Variants in EXOC4 observed in about 807,000 individuals in gnomAD.
EXOC4 encodes the protein SEC8-like 1.
EXOC4 carries 71 observed loss-of-function variants against 107.2 expected under a neutral mutation model. That is an observed-to-expected ratio of 0.66 (90% CI 0.55 to 0.81). EXOC4 has a LOEUF of 0.81. Among genes scored for constraint, EXOC4 ranks in the 30% least tolerant of loss-of-function variants. The pLI is 0.00. For synonymous variants in EXOC4, 456 were observed against 441.2 expected (o/e 1.03, Z -0.42); for missense variants, 1,108 against 1,189.6 (o/e 0.93, Z 1.01).
chr7:133,544,157 C>T (rs1163679486), intron 9 of EXOC4, among the ~76,000 whole-genome samples: 1 of 151,992 alleles, frequency 6.6e-6, no homozygotes, highest in African/African-American at 2.4e-5. Flanking sequence ...ACAAAGATTC[C>T]TCACCATCTA....
chr7:133,513,087 A>C (rs1238205774), intron 9 of EXOC4, among the ~76,000 whole-genome samples: 1 of 152,234 alleles, frequency 6.6e-6, no homozygotes, highest in African/African-American at 2.4e-5. Flanking sequence ...CTTGGGTGAC[A>C]GAGCAAGACT....
chr7:133,322,619 C>T (rs866435644), intron 5 of EXOC4, among the ~76,000 whole-genome samples: 6 of 152,126 alleles, frequency 3.9e-5, no homozygotes, highest in Middle Eastern at 3.4e-3. Context: ...TGGTTACTGT[C>T]GCCTTCTAGT....
chr7:133,371,410 C>T (rs1796374459), intron 6 of EXOC4, among the ~76,000 whole-genome samples: 1 of 152,162 alleles, frequency 6.6e-6, no homozygotes, highest in Non-Finnish European at 1.5e-5. Flanking sequence ...CACCCACCCC[C>T]AGCCTAAGTA....
At chr7:134,007,608 A>G in intron 16 of EXOC4, 68 bp from the exon 17 acceptor site, 1 of 1,445,862 alleles carries the variant, frequency 6.9e-7, no homozygotes. Context: ...TTCTGTGTGC[A>G]AGTTTCTGCA....
At chr7:133,567,268 CT>C (rs931608009) in intron 9 of EXOC4, among the ~76,000 whole-genome samples, 5 of 151,342 alleles carry the variant, frequency 3.3e-5, no homozygotes, top group Admixed American at 2.6e-4. Context: ...TATATATATT[CT>C]TTTTTTTCCT....
Position 133,921,786 on chromosome 7 carries a change from T to C in EXOC4, c.2027+4048T>C, listed in dbSNP as rs187397783. The stretch of plus-strand genomic sequence containing the variant: ...GCTTCAAATATTTATTCTGTTGCTT[T>C]TTCTCTTTCTTCTCCTTCTGATATT... On this transcript the variant is annotated intron_variant, in intron 13 of 17. Coordinates refer to ENST00000253861, the MANE Select transcript of EXOC4 (RefSeq NM_021807.4). Among the ~76,000 whole-genome samples, 158 of 152,280 alleles carry C rather than the reference T, an allele frequency of 1.0e-3. 1 individual carries two copies. The highest frequency in any genetic ancestry group is 1.0e-3 in the Non-Finnish European group (69 of 68,006).
the EXOC4 span, among the ~76,000 whole-genome samples, chr7:134,097,820 AG>A: frequency 1.3e-5 from 2 of 152,318 alleles, no homozygotes; most frequent in Non-Finnish European, 2.9e-5. Flanking sequence ...AGAGTTATCC[AG>A]GGCCTGGAAG....
At chr7:133,609,925 A>G (rs1251410967) in intron 9 of EXOC4, among the ~76,000 whole-genome samples, 1 of 152,220 alleles carries the variant, frequency 6.6e-6, no homozygotes, top group African/African-American at 2.4e-5. Context: ...CCAAGACATC[A>G]GTAGTTATAG....
At position 134,065,688 on chromosome 7, in the gene EXOC4, T is replaced by A. The variant is rs1796165361; in HGVS notation, c.*1160T>A. 6.6e-6 allele frequency: 1 copy of A among 152,226 alleles called. No homozygotes were observed. The highest frequency in any genetic ancestry group is 6.5e-5 in the Admixed American group (1 of 15,280). The allele number at this position is 152,226 out of a possible 1,614,324, so 9.4% of individuals were successfully genotyped here. A position where few individuals can be genotyped will look rare whatever the true frequency, so the allele number is the denominator to read the frequency against. ...TGCCTCACACCCTGAAGGTGGGGGATTTTGTACCTGTTTGTACAACTTTGG... is the reference window on the plus strand; with the variant it reads ...TGCCTCACACCCTGAAGGTGGGGGAATTTGTACCTGTTTGTACAACTTTGG... On this transcript the variant is annotated 3_prime_UTR_variant, in exon 18 of 18. Transcript: ENST00000253861.
Position 133,917,712 on chromosome 7 carries a change from AAGAG to A in EXOC4, c.2004_2007del (p.Glu669ArgfsTer6). ...CTCAACCCAAACAGCTGAGGCCAAA[AAGAG>A]AGGAGGAAGAAGATTTCATAAGGTA... On this transcript the variant is annotated frameshift_variant, in exon 13 of 18. Coordinates refer to ENST00000253861, the MANE Select transcript of EXOC4 (RefSeq NM_021807.4). LOFTEE classifies it high-confidence loss of function. 6.2e-7 allele frequency: 1 copy of A among 1,614,138 alleles called. No homozygotes were observed. Among genetic ancestry groups the A allele is most frequent in the Non-Finnish European group, 8.5e-7 (1 of 1,180,004 alleles).
chr7:133,716,425 C>G (rs1264698961), intron 10 of EXOC4, among the ~76,000 whole-genome samples: 6 of 152,166 alleles, frequency 3.9e-5, no homozygotes, highest in Non-Finnish European at 7.3e-5. Context: ...AGCAAAAATA[C>G]TGCTTTAGAA....
At chr7:133,313,036 T>C (rs1340479478) in intron 4 of EXOC4, among the ~76,000 whole-genome samples, 2 of 152,130 alleles carry the variant, frequency 1.3e-5, no homozygotes, top group African/African-American at 4.8e-5. Context: ...TCTGGGCATG[T>C]AAAGAATGTT....
chr7:133,600,678 A>G (rs1341568834), intron 9 of EXOC4, among the ~76,000 whole-genome samples: 1 of 152,218 alleles, frequency 6.6e-6, no homozygotes, highest in African/African-American at 2.4e-5. Flanking sequence ...ATAAATAAAT[A>G]AATAAATAAA....
intron 6 of EXOC4, among the ~76,000 whole-genome samples, chr7:133,371,385 T>G (rs1477631672): frequency 2.0e-5 from 3 of 152,170 alleles, no homozygotes; most frequent in Non-Finnish European, 4.4e-5. Flanking sequence ...TCCCGTATAC[T>G]TATCAGTCAG....
At chr7:133,924,077 T>C (rs1799998576) in intron 13 of EXOC4, among the ~76,000 whole-genome samples, 1 of 152,080 alleles carries the variant, frequency 6.6e-6, no homozygotes, top group Non-Finnish European at 1.5e-5. Flanking sequence ...TAAACTGACC[T>C]TAGGATAAAG....
intron 10 of EXOC4, chr7:133,727,246 A>G (rs906893611): frequency 9.2e-5 from 14 of 152,616 alleles, no homozygotes; most frequent in African/African-American, 3.4e-4. Context: ...CCTACCCAAA[A>G]ATATCGGAAA....
intron 9 of EXOC4, among the ~76,000 whole-genome samples, chr7:133,545,103 A>G (rs768475905): frequency 2.0e-4 from 31 of 151,804 alleles, no homozygotes; most frequent in Non-Finnish European, 3.8e-4. Context: ...TGTGGTCGCT[A>G]TTTCTCTGCC....
intron 9 of EXOC4, among the ~76,000 whole-genome samples, chr7:133,619,317 C>T (rs1802270778): frequency 6.6e-6 from 1 of 152,174 alleles, no homozygotes; most frequent in Non-Finnish European, 1.5e-5. Flanking sequence ...AAAATAATTT[C>T]TTTCCAAATT....
chr7:133,873,728 C>T (rs1252454814), intron 11 of EXOC4, among the ~76,000 whole-genome samples: 2 of 152,148 alleles, frequency 1.3e-5, no homozygotes, highest in Non-Finnish European at 2.9e-5. Flanking sequence ...TTGGTGAAAT[C>T]TGAAAGTTTG....
Sources: allele counts gnomAD v4.1 joint callset (sites outside exome capture counted in the v4.1 genomes callset), GRCh38; gene constraint gnomAD v4.1.1; transcripts MANE v1.5; gene names NCBI Gene and HGNC (gene_info 2026-07-23, HGNC 2026-07-21).